AKAP13: variants seen among roughly 807,000 people sequenced by gnomAD.
The protein encoded by AKAP13 is A-kinase anchoring protein 13.
In AKAP13, 80 loss-of-function variants were observed where a neutral mutation model predicts 264.5. The observed-to-expected ratio is 0.30, with a 90% CI of 0.25 to 0.36. The LOEUF (loss-of-function observed/expected upper bound fraction) is 0.36, where lower values mean the gene tolerates loss of function less well. Ranked by LOEUF, AKAP13 falls within the 10% of genes least tolerant of loss-of-function variation. The probability of loss-of-function intolerance (pLI) is 1.00; values close to 1 mark genes in which losing one functional copy is unlikely to be tolerated. For synonymous variants in AKAP13, 1,380 were observed against 1,250.2 expected (o/e 1.10, Z -2.19); for missense variants, 3,712 against 3,435.2 (o/e 1.08, Z -2.01).
chr15:85,693,052 A>T, intron 16 of AKAP13: 1 of 623,808 alleles, frequency 1.6e-6, no homozygotes, highest in Non-Finnish European at 2.5e-6. Flanking sequence ...CCACTGCCAG[A>T]ACTGTTCCGC....
In AKAP13 at chr15:85,718,131, T is replaced by C. The variant is rs2087057806; in HGVS notation, c.5973T>C (p.Asp1991=). The C allele has an allele frequency of 1.2e-6, 2 of 1,614,142 alleles. No homozygotes were observed. The highest frequency in any genetic ancestry group is 1.7e-6 in the Non-Finnish European group (2 of 1,180,004). The stretch of plus-strand genomic sequence containing the variant: ...AGTTTCTAAAACAGCAAAAGAAAGA[T>C]GTGGTCAAACGGCAAGAAGTAATAT... ...DSKFLKQQKK[D]VVKRQEVIYE... is the part of the protein sequence containing the mutation. The change falls in exon 22 of 37, where the codon GAT becomes GAC. Residue 1991 remains aspartate, a synonymous_variant. Transcript: ENST00000394518. The surrounding 1 kb of genome is among the most constrained non-coding windows in gnomAD (Gnocchi z 4.9).
rs191592673 is a variant in AKAP13, at chr15:85,498,568, A to G, written c.33+12815A>G. ...CTCTGCACGTGAGGATGGTTTCACT[A>G]TCAGCTCCCCAGGTTGATACTATTG... On this transcript the variant is annotated intron_variant, in intron 2 of 36. Coordinates refer to ENST00000394518, the MANE Select transcript of AKAP13 (RefSeq NM_007200.5). Among the ~76,000 whole-genome samples the G allele has an allele frequency of 2.2e-4, 22 of 102,292 alleles. No individual in the cohort carries two copies. In the East Asian group the frequency reaches 5.2e-3, roughly 24 times the overall value. 67.1% of individuals were successfully genotyped at this position (102,292 alleles called of 152,430 possible).
Position 85,734,897 on chromosome 15 carries a change from A to G in AKAP13, c.7283-95A>G, listed in dbSNP as rs2088327007. 3 of 1,479,388 alleles carry G rather than the reference A, an allele frequency of 2.0e-6. No homozygotes were observed. In the Admixed American group the frequency reaches 6.6e-5, roughly 33 times the overall value. The allele number at this position is 1,479,388 out of a possible 1,614,324, so 91.6% of individuals were successfully genotyped here. On this transcript the variant is annotated intron_variant, in intron 30 of 36. Coordinates refer to ENST00000394518, the MANE Select transcript of AKAP13 (RefSeq NM_007200.5). Reference sequence around the variant, plus strand: ...CACCCAGTCACTCTTTGGAACTTTCAAGTCGTGCTCTTTGTACGTATCATA... The same window carrying G: ...CACCCAGTCACTCTTTGGAACTTTCGAGTCGTGCTCTTTGTACGTATCATA...
intron 2 of AKAP13, among the ~76,000 whole-genome samples, chr15:85,519,931 C>T (rs191777954): frequency 6.6e-6 from 1 of 152,274 alleles, no homozygotes; most frequent in Admixed American, 6.5e-5. Flanking sequence ...GAAAAATATT[C>T]TGTACATAAT....
rs1247132836 is a variant in AKAP13 at position 85,575,256 on chromosome 15, A to T, written c.788A>T (p.His263Leu). ...YTLTSESDSH[H>L]EHPFPGDGCT... ...TTAACCTCTGAGTCTGATTCACATC[A>T]TGAACACCCATTTCCTGGAGACGGT... Residue 263 changes from histidine to leucine, a missense_variant, in exon 6 of 37, where the codon CAT becomes CTT. This residue lies in a region of AKAP13 where 2,759 missense variants were observed against 2,411.7 expected (regional missense o/e 1.14). Transcript: ENST00000394518. 6.2e-7 allele frequency: 1 copy of T among 1,614,200 alleles called. No homozygotes were observed. The highest frequency in any genetic ancestry group is 8.5e-7 in the Non-Finnish European group (1 of 1,180,020).
intron 5 of AKAP13, among the ~76,000 whole-genome samples, chr15:85,548,285 A>T: frequency 6.6e-6 from 1 of 152,188 alleles, no homozygotes; most frequent in Middle Eastern, 3.2e-3. Context: ...TAAATAAAGG[A>T]TATTGCTATT....
intron 1 of AKAP13, among the ~76,000 whole-genome samples, chr15:85,446,873 A>C (rs750899844): frequency 3.9e-5 from 6 of 152,216 alleles, no homozygotes; most frequent in Non-Finnish European, 8.8e-5. Context: ...AAGGCAGCAT[A>C]AATATCTGGG....
intron 5 of AKAP13, among the ~76,000 whole-genome samples, chr15:85,546,893 G>A (rs544345492): frequency 4.5e-4 from 68 of 152,104 alleles, no homozygotes; most frequent in African/African-American, 1.0e-3. Context: ...ACAGGCATGC[G>A]CCACCATGTC....
intron 33 of AKAP13, 106 bp downstream of exon 33, chr15:85,736,240 G>A (rs1274504923): frequency 1.1e-6 from 1 of 886,580 alleles, no homozygotes; most frequent in African/African-American, 1.7e-5. Context: ...TTACAAAGAG[G>A]CTAACTGCTG....
intron 16 of AKAP13, chr15:85,685,106 C>T: frequency 2.4e-6 from 1 of 419,746 alleles, no homozygotes. Context: ...TATTATTTAA[C>T]CCTTTCAACA....
At chr15:85,411,575 C>T (rs1319871656) in intron 1 of AKAP13, among the ~76,000 whole-genome samples, 1 of 151,994 alleles carries the variant, frequency 6.6e-6, no homozygotes, top group Non-Finnish European at 1.5e-5. Context: ...GTAGCTGGGA[C>T]TACAGGCGCC....
chr15:85,742,357 AAG>A lies in AKAP13; in HGVS notation c.8058+865_8058+866del, dbSNP rs564622629. Among the ~76,000 whole-genome samples the A allele has an allele frequency of 5.3e-5, 8 of 152,352 alleles. No homozygotes were observed. The East Asian group carries it at 1.3e-3, about 26-fold the overall frequency. On this transcript the variant is annotated intron_variant, in intron 35 of 36. Transcript: ENST00000394518. ...TAATGGGGAAGCACACCAAGAATAA[AAG>A]AGCCTCCAGAACATGTGGTGCCTGT...
intron 1 of AKAP13, among the ~76,000 whole-genome samples, chr15:85,393,500 G>T (rs2070965380): frequency 6.6e-6 from 1 of 152,240 alleles, no homozygotes; most frequent in African/African-American, 2.4e-5. Flanking sequence ...TTAGAGCATA[G>T]AATAGTGTGT....
intron 15 of AKAP13, 28 bp from the exon 16 acceptor site, chr15:85,684,713 A>G (rs200857776): frequency 6.3e-7 from 1 of 1,595,344 alleles, no homozygotes. Context: ...GCCCTTTAAA[A>G]AAAATCAATC....
In AKAP13 at chr15:85,743,547, A is replaced by T; in HGVS notation, c.8114A>T (p.Glu2705Val). 1.2e-6 allele frequency: 2 copies of T among 1,614,180 alleles called. No individual in the cohort carries two copies. The highest frequency in any genetic ancestry group is 1.7e-6 in the Non-Finnish European group (2 of 1,180,022). ...MRIPSFFPSPEEPPSPSAPSI... is the reference protein window; with the variant it reads ...MRIPSFFPSPVEPPSPSAPSI... The stretch of plus-strand genomic sequence containing the variant: ...ATCCCATCGTTCTTCCCCAGTCCTG[A>T]GGAGCCCCCCTCGCCATCTGCACCT... The change falls in exon 36 of 37, where the codon GAG (glutamate) becomes GTG (valine). Residue 2705 changes from glutamate to valine, a missense_variant. Glu to Val is a moderately radical substitution (Grantham distance 121). Around this residue, in one of 3 missense-constraint regions of AKAP13, gnomAD observed 611 missense variants for 539.3 expected, o/e 1.13. Coordinates refer to ENST00000394518, the MANE Select transcript of AKAP13 (RefSeq NM_007200.5).
At chr15:85,628,481 A>T (rs954583305) in intron 8 of AKAP13, among the ~76,000 whole-genome samples, 1 of 152,184 alleles carries the variant, frequency 6.6e-6, no homozygotes, top group African/African-American at 2.4e-5. Context: ...TTTTACTTTT[A>T]AATGTTTACG....
chr15:85,432,877 G>C (rs2073083633), intron 1 of AKAP13, among the ~76,000 whole-genome samples: 1 of 151,792 alleles, frequency 6.6e-6, no homozygotes, highest in Non-Finnish European at 1.5e-5. Context: ...GTGGTGGTGG[G>C]ATTGTCTGCT....
intron 14 of AKAP13, among the ~76,000 whole-genome samples, chr15:85,680,505 G>A (rs1343254625): frequency 1.3e-5 from 2 of 152,154 alleles, no homozygotes; most frequent in Admixed American, 1.3e-4. Flanking sequence ...AAAAAATACG[G>A]AAGGCAATCT....
At chr15:85,440,379 A>G (rs2073584404) in intron 1 of AKAP13, among the ~76,000 whole-genome samples, 1 of 152,122 alleles carries the variant, frequency 6.6e-6, no homozygotes, top group Admixed American at 6.5e-5. Context: ...GAATTTATTC[A>G]TGTGTTCTGA....
Sources: gnomAD v4.1 joint callset for allele counts (sites outside exome capture counted in the v4.1 genomes callset) on GRCh38, gnomAD v4.1.1 for gene constraint, gnomAD v4.1.1 regional missense constraint, Gnocchi (gnomAD v3.1) non-coding constraint, MANE v1.5 for transcripts, NCBI Gene and HGNC (gene_info 2026-07-23, HGNC 2026-07-21) for gene names.